PRELID2: variants seen among roughly 807,000 people sequenced by gnomAD.
PRELID2 encodes PRELI domain containing 2.
A neutral mutation model predicts 28.4 loss-of-function variants in PRELID2; 25 were observed. The ratio of observed to expected loss-of-function variants is 0.88; its 90% confidence interval spans 0.64 to 1.23. PRELID2 has a LOEUF of 1.23. Among genes scored for constraint, PRELID2 ranks in the 50% most tolerant of loss-of-function variants. PRELID2 has a pLI of 0.00. For missense variants in PRELID2, 201 were observed against 214.4 expected (o/e 0.94, Z 0.39); for synonymous variants, 76 against 71.6 (o/e 1.06, Z -0.31).
chr5:145,686,372 T>C (rs2149692461), intron 1 of PRELID2, among the ~76,000 whole-genome samples: 1 of 152,240 alleles, frequency 6.6e-6, no homozygotes, highest in African/African-American at 2.4e-5. Flanking sequence ...TCTAACAATA[T>C]GTATGCCTTC....
At chr5:145,294,074 T>C in the PRELID2 span, among the ~76,000 whole-genome samples, 1 of 152,312 alleles carries the variant, frequency 6.6e-6, no homozygotes, top group East Asian at 1.9e-4. Flanking sequence ...CCTTCTCTTT[T>C]AAAGATTTTG....
intron 1 of PRELID2, among the ~76,000 whole-genome samples, chr5:145,630,963 G>A (rs1487783526): frequency 6.6e-6 from 1 of 152,092 alleles, no homozygotes; most frequent in Non-Finnish European, 1.5e-5. Context: ...TGCAGTTTGG[G>A]CCAAATCAAT....
chr5:145,247,187 CA>C, the PRELID2 span, among the ~76,000 whole-genome samples: 1 of 152,136 alleles, frequency 6.6e-6, no homozygotes, highest in African/African-American at 2.4e-5. Context: ...AAGAAAACTT[CA>C]CTTTGACCCC....
At chr5:145,512,913 A>T (rs940989385) in intron 1 of PRELID2, among the ~76,000 whole-genome samples, 11 of 152,190 alleles carry the variant, frequency 7.2e-5, no homozygotes, top group Admixed American at 7.2e-4. Flanking sequence ...TAGAAGGAAA[A>T]CTAACAAACA....
chr5:145,413,785 G>C, the PRELID2 span, among the ~76,000 whole-genome samples: 1 of 151,930 alleles, frequency 6.6e-6, no homozygotes. Flanking sequence ...ACATAAATGA[G>C]ATCATGCAGT....
At chr5:145,349,872 T>C in the PRELID2 span, among the ~76,000 whole-genome samples, 1 of 152,186 alleles carries the variant, frequency 6.6e-6, no homozygotes, top group Non-Finnish European at 1.5e-5. Context: ...TTAGCCTTTA[T>C]TCACTTGACA....
intron 1 of PRELID2, among the ~76,000 whole-genome samples, chr5:145,491,520 A>T (rs1196285103): frequency 6.6e-6 from 1 of 152,192 alleles, no homozygotes; most frequent in Non-Finnish European, 1.5e-5. Context: ...TAACATATGC[A>T]TTACCTTACA....
At chr5:145,300,142 C>T in the PRELID2 span, among the ~76,000 whole-genome samples, 8 of 152,104 alleles carry the variant, frequency 5.3e-5, no homozygotes, top group African/African-American at 1.7e-4. Context: ...AAAAAAAATG[C>T]CATCTTTGAC....
chr5:145,249,556 T>C, the PRELID2 span, among the ~76,000 whole-genome samples: 1 of 152,120 alleles, frequency 6.6e-6, no homozygotes, highest in Non-Finnish European at 1.5e-5. Flanking sequence ...AGAATTATAT[T>C]TTTTCTTCTC....
intron 5 of PRELID2, among the ~76,000 whole-genome samples, chr5:145,788,479 G>A (rs1752147712): frequency 6.6e-6 from 1 of 152,148 alleles, no homozygotes; most frequent in Non-Finnish European, 1.5e-5. Flanking sequence ...GGAACACACT[G>A]TATGGCACAC....
chr5:145,633,064 A>C lies in PRELID2; in HGVS notation n.70+131867T>G, dbSNP rs567760401. On this transcript the variant is annotated intron_variant and non_coding_transcript_variant, in intron 1 of 2. Coordinates refer to the PRELID2 transcript ENST00000510259. ...GAGACCTCAGTCCTACAGCTGAAAGAAAATAAATTCTGGCAACAACTCAAG... is the reference window on the plus strand; with the variant it reads ...GAGACCTCAGTCCTACAGCTGAAAGCAAATAAATTCTGGCAACAACTCAAG... Among the ~76,000 whole-genome samples the C allele has an allele frequency of 4.6e-5, 7 of 152,286 alleles. No individual in the cohort carries two copies. The East Asian group carries it at 1.4e-3, about 29-fold the overall frequency.
chr5:145,363,631 G>A, the PRELID2 span, among the ~76,000 whole-genome samples: 1 of 151,932 alleles, frequency 6.6e-6, no homozygotes, highest in African/African-American at 2.4e-5. Context: ...ATTCTTAATA[G>A]CCATGGTAAG....
chr5:145,286,474 G>C, the PRELID2 span, among the ~76,000 whole-genome samples: 3 of 152,122 alleles, frequency 2.0e-5, no homozygotes, highest in Non-Finnish European at 2.9e-5. Context: ...TAGATAAGGA[G>C]ACTGAGGCTC....
intron 1 of PRELID2, among the ~76,000 whole-genome samples, chr5:145,514,153 C>T (rs1163653272): frequency 2.6e-5 from 4 of 152,034 alleles, no homozygotes; most frequent in South Asian, 2.1e-4. Context: ...CAATATTAAC[C>T]TTAAATGTAA....
chr5:145,566,683 T>G (rs1752970061), intron 1 of PRELID2, among the ~76,000 whole-genome samples: 1 of 151,874 alleles, frequency 6.6e-6, no homozygotes, highest in Non-Finnish European at 1.5e-5. Flanking sequence ...CTACTAAAAA[T>G]ACAAAAATTA....
At chr5:145,593,947 A>C (rs1753266449) in intron 1 of PRELID2, among the ~76,000 whole-genome samples, 1 of 152,196 alleles carries the variant, frequency 6.6e-6, no homozygotes. Flanking sequence ...TTACTGTTAA[A>C]ATTTTTAGAT....
intron 5 of PRELID2, among the ~76,000 whole-genome samples, chr5:145,782,414 G>A (rs1053220400): frequency 1.3e-5 from 2 of 152,162 alleles, no homozygotes; most frequent in East Asian, 1.9e-4. Context: ...CAGAAAGGTG[G>A]GAGTAACCAC....
intron 2 of PRELID2, 141 bp from the exon 3 acceptor site, chr5:145,820,159 T>C (rs1179610365): frequency 1.4e-5 from 8 of 589,010 alleles, no homozygotes; most frequent in Middle Eastern, 9.1e-4. Flanking sequence ...TGGAGTGCAA[T>C]GGCACGGTCT....
intron 1 of PRELID2, among the ~76,000 whole-genome samples, chr5:145,631,408 T>C (rs561995599): frequency 1.7e-4 from 26 of 152,322 alleles, no homozygotes; most frequent in South Asian, 1.2e-3. Context: ...CATGTGACCC[T>C]GGAAGAGTCC....
Sources: gnomAD v4.1 joint callset for allele counts (sites outside exome capture counted in the v4.1 genomes callset) on GRCh38, gnomAD v4.1.1 for gene constraint, MANE v1.5 for transcripts, NCBI Gene and HGNC (gene_info 2026-07-23, HGNC 2026-07-21) for gene names.